Variants in ACLY observed in about 807,000 individuals in gnomAD.
ACLY encodes ATP citrate lyase, also known as ATP-citrate synthase.
Under a neutral mutation model 133.0 loss-of-function variants are expected in ACLY, and 41 were observed. The ratio of observed to expected loss-of-function variants is 0.31; its 90% CI spans 0.24 to 0.40. The LOEUF is 0.40. Ranked by LOEUF, ACLY falls within the 10% of genes least tolerant of loss-of-function variation. ACLY has a pLI of 1.00. For missense variants in ACLY, 1,046 were observed against 1,453.8 expected, an observed-to-expected ratio of 0.72 and a Z score of 4.56; for synonymous variants, 495 against 549.3, an observed-to-expected ratio of 0.90 and a Z score of 1.38.
chr17:41,903,845 C>A (rs2049611817), intron 10 of ACLY, among the ~76,000 whole-genome samples: 1 of 148,328 alleles, frequency 6.7e-6, no homozygotes, highest in Non-Finnish European at 1.5e-5. Context: ...ATCGGTTGGG[C>A]ATGGTGGTTC....
rs2049002325 is a variant in ACLY, at chr17:41,884,615, T to C, written c.2073-341A>G. On this transcript the variant is annotated intron_variant, in intron 18 of 28. Coordinates refer to ENST00000352035, the MANE Select transcript of ACLY (RefSeq NM_001096.3). ...ATCCACAAATTCCGGCCAGGCGCAG[T>C]GGCTCACGCCTGTAATCCCAGCACT... is the stretch of plus-strand genomic sequence containing the variant. Among the ~76,000 whole-genome samples the C allele has an allele frequency of 2.0e-5, 3 of 152,288 alleles. No individual in the cohort carries two copies. In the South Asian group the frequency reaches 6.2e-4, roughly 32 times the overall value.
intron 22 of ACLY, among the ~76,000 whole-genome samples, chr17:41,874,961 G>A (rs35460072): frequency 6.7e-6 from 1 of 148,420 alleles, no homozygotes; most frequent in Non-Finnish European, 1.5e-5. Context: ...GAGAGGCTCA[G>A]TAACCAGCCC....
In ACLY at chr17:41,869,479, AG is replaced by A; in HGVS notation, c.3045del (p.Ser1016ArgfsTer8). On this transcript the variant is annotated frameshift_variant, in exon 26 of 29. Coordinates refer to ENST00000352035, the MANE Select transcript of ACLY (RefSeq NM_001096.3). LOFTEE classifies it high-confidence loss of function. ...DYALEVEKIT[T>X]SKKPNLILNV... ...GGAAGTTTTTTCTTTGTTACCTTCGAGGTGGTAATCTTCTCTACTTCCAGTG... is the reference window on the plus strand; with the variant it reads ...GGAAGTTTTTTCTTTGTTACCTTCGAGTGGTAATCTTCTCTACTTCCAGTG... 6.2e-7 allele frequency: 1 copy of A among 1,612,810 alleles called. No homozygotes were observed.
intron 10 of ACLY, 51 bp downstream of exon 10, chr17:41,904,678 C>T: frequency 1.3e-6 from 2 of 1,572,662 alleles, no homozygotes; most frequent in Non-Finnish European, 8.7e-7. Context: ...CCCTTCCCTG[C>T]TTTCCCCAAA....
At chr17:41,919,320 A>AGGGGGGGGGGG (rs2050144149), upstream of ACLY, among the ~76,000 whole-genome samples, 6 of 148,988 alleles carry the variant, frequency 4.0e-5, no homozygotes, top group Non-Finnish European at 7.4e-5. Context: ...AGGGGCGGGT[A>AGGGGGGGGGGG]GGATTAGCCC....
intron 14 of ACLY, 146 bp from the exon 15 acceptor site, chr17:41,893,320 G>C (rs2049269356): frequency 2.1e-6 from 2 of 970,432 alleles, no homozygotes; most frequent in African/African-American, 3.4e-5. Context: ...CAAGAGGACA[G>C]AATTCTGAGA....
intron 16 of ACLY, among the ~76,000 whole-genome samples, chr17:41,891,390 CATTT>C (rs35304970): frequency 0.018 from 2,715 of 152,064 alleles, 62 homozygotes; most frequent in East Asian, 0.094. Context: ...TGAGCCACCT[CATTT>C]ATTTATTTAA....
intron 22 of ACLY, 50 bp from the exon 23 acceptor site, chr17:41,874,015 A>AT: frequency 6.5e-7 from 1 of 1,532,642 alleles, no homozygotes; most frequent in Non-Finnish European, 8.8e-7. Context: ...ACCACCACAG[A>AT]TTTTTCCAGG....
chr17:41,867,585 G>A lies in ACLY; in HGVS notation c.*225C>T, dbSNP rs2048497484. On this transcript the variant is annotated 3_prime_UTR_variant, in exon 29 of 29. Coordinates refer to ENST00000352035, the MANE Select transcript of ACLY (RefSeq NM_001096.3). Reference sequence around the variant, plus strand: ...TAGCAGAGCAAAGTCACAAATATTGGCTTGGTTTTTATTTCTATGCTTATA... The same window carrying A: ...TAGCAGAGCAAAGTCACAAATATTGACTTGGTTTTTATTTCTATGCTTATA... The A allele has an allele frequency of 1.2e-5, 4 of 345,092 alleles. No individual in the cohort carries two copies. The highest frequency in any genetic ancestry group is 2.1e-5 in the Non-Finnish European group (4 of 190,930). The allele number at this position is 345,092 out of a possible 1,614,324, so 21.4% of individuals were successfully genotyped here.
intron 2 of ACLY, among the ~76,000 whole-genome samples, chr17:41,912,983 T>A (rs551487397): frequency 6.6e-6 from 1 of 152,180 alleles, no homozygotes; most frequent in Non-Finnish European, 1.5e-5. Context: ...GCTTGAACCC[T>A]GTCTACAACA....
At chr17:41,921,949 A>G (rs1426174751), upstream of ACLY, among the ~76,000 whole-genome samples, 1 of 152,194 alleles carries the variant, frequency 6.6e-6, no homozygotes, top group Non-Finnish European at 1.5e-5. Flanking sequence ...TAATCCCAGC[A>G]CTTTGGGAGG....
intron 3 of ACLY, among the ~76,000 whole-genome samples, chr17:41,910,729 G>C (rs1235888915): frequency 6.6e-6 from 1 of 152,194 alleles, no homozygotes; most frequent in Non-Finnish European, 1.5e-5. Flanking sequence ...GGGAGCCAGG[G>C]CTTAATCAGG....
chr17:41,887,752 G>T (rs1300587339), intron 16 of ACLY, 49 bp from the exon 17 acceptor site: 3 of 1,536,516 alleles, frequency 2.0e-6, no homozygotes, highest in African/African-American at 2.7e-5. Context: ...CCTCAGAAAG[G>T]GCAACAAGAC....
intron 1 of ACLY, among the ~76,000 whole-genome samples, chr17:41,918,376 T>C (rs2050112287): frequency 6.6e-6 from 1 of 152,218 alleles, no homozygotes; most frequent in African/African-American, 2.4e-5. Flanking sequence ...TCTCTCCACT[T>C]GGGCGTGGAG....
intron 1 of ACLY, among the ~76,000 whole-genome samples, chr17:41,917,921 C>T (rs1202737612): frequency 6.6e-6 from 1 of 152,158 alleles, no homozygotes; most frequent in Non-Finnish European, 1.5e-5. Context: ...CAGCTGAAAA[C>T]ACAGAGGAAA....
At position 41,906,545 on chromosome 17, in the gene ACLY, G is replaced by A. The variant is rs138014989; in HGVS notation, c.849C>T (p.Gly283=). 29 of 1,613,938 alleles carry A rather than the reference G, an allele frequency of 1.8e-5. No homozygotes were observed. The highest frequency in any genetic ancestry group is 6.7e-5 in the East Asian group (3 of 44,888). The change falls in exon 8 of 29, where the codon GGC becomes GGT. Residue 283 remains glycine, a synonymous_variant. Coordinates refer to ENST00000352035, the MANE Select transcript of ACLY (RefSeq NM_001096.3). ...TCGGTCACCTGTACACGACAGAGGC[G>A]CCACCCCCGGCCACCATGGTCCAGA... is the stretch of plus-strand genomic sequence containing the variant. The part of the protein sequence containing the change: ...GRIWTMVAGG[G]ASVVYSDTIC...
chr17:41,887,222 C>T (rs895386900), intron 17 of ACLY, among the ~76,000 whole-genome samples: 12 of 150,272 alleles, frequency 8.0e-5, no homozygotes, highest in South Asian at 6.3e-4. Context: ...GTGGATCACC[C>T]GATGTCAGGA....
intron 1 of ACLY, among the ~76,000 whole-genome samples, chr17:41,915,160 A>G (rs1224663331): frequency 6.6e-6 from 1 of 152,134 alleles, no homozygotes; most frequent in African/African-American, 2.4e-5. Flanking sequence ...TAAGAATTTC[A>G]TCATCTCCCC....
intron 1 of ACLY, among the ~76,000 whole-genome samples, chr17:41,925,920 C>A (rs1555635922): frequency 1.3e-5 from 2 of 152,016 alleles, no homozygotes; most frequent in Admixed American, 6.6e-5. Flanking sequence ...TCATGGCTCA[C>A]TGCAACCTCT....
Sources: gnomAD v4.1 joint callset for allele counts (sites outside exome capture counted in the v4.1 genomes callset) on GRCh38, gnomAD v4.1.1 for gene constraint, MANE v1.5 for transcripts, NCBI Gene and HGNC (gene_info 2026-07-23, HGNC 2026-07-21) for gene names.